ENPP2: variants seen among roughly 807,000 people sequenced by gnomAD.
The protein encoded by ENPP2 is ectonucleotide pyrophosphatase/phosphodiesterase 2.
ENPP2 carries 51 observed loss-of-function variants against 120.2 expected under a neutral mutation model. The observed-to-expected ratio is 0.42, with a 90% CI of 0.34 to 0.54. ENPP2 has a LOEUF of 0.54. Among genes scored for constraint, ENPP2 ranks in the 20% least tolerant of loss-of-function variants. The pLI is 0.04. For synonymous variants in ENPP2, 365 were observed against 366.4 expected, an observed-to-expected ratio of 1.00 and a Z score of 0.04; for missense variants, 920 against 1,066.5, an observed-to-expected ratio of 0.86 and a Z score of 1.91.
intron 1 of ENPP2, among the ~76,000 whole-genome samples, chr8:119,646,783 C>T (rs551484817): frequency 6.6e-6 from 1 of 152,072 alleles, no homozygotes; most frequent in Non-Finnish European, 1.5e-5. Flanking sequence ...TTTTCTGTTC[C>T]TTGATTAAGT....
intron 3 of ENPP2, among the ~76,000 whole-genome samples, chr8:119,623,303 A>C (rs1274582780): frequency 6.6e-6 from 1 of 151,946 alleles, no homozygotes; most frequent in Admixed American, 6.6e-5. Context: ...GTCTCTACTA[A>C]AGATACAAAA....
At chr8:119,673,289 C>A (rs766914262) in exon 1 of ENPP2, 2 of 1,535,256 alleles carry the variant, frequency 1.3e-6, no homozygotes, top group South Asian at 2.4e-5. Flanking sequence ...GGAGTCTCGG[C>A]GTCTGTTCCT....
chr8:119,632,195 T>A (rs1816729474), intron 2 of ENPP2, among the ~76,000 whole-genome samples: 1 of 152,230 alleles, frequency 6.6e-6, no homozygotes, highest in African/African-American at 2.4e-5. Context: ...ACTTCAGATG[T>A]GTAACTTATT....
chr8:119,601,601 C>T (rs952241349), intron 9 of ENPP2, 139 bp from the exon 10 acceptor site: 14 of 639,746 alleles, frequency 2.2e-5, no homozygotes, highest in African/African-American at 1.8e-5. Context: ...TAGTAAAAGG[C>T]CCTCTTTCGA....
intron 1 of ENPP2, among the ~76,000 whole-genome samples, chr8:119,655,502 T>A (rs74709100): frequency 0.014 from 2,170 of 152,322 alleles, 54 homozygotes; most frequent in African/African-American, 0.05. Flanking sequence ...TGGACTTGAC[T>A]GAGTTAGGAA....
chr8:119,590,604 T>C lies in ENPP2; in HGVS notation c.1108A>G (p.Thr370Ala). The C allele has an allele frequency of 6.3e-7, 1 of 1,581,028 alleles. No homozygotes were observed. The highest frequency in any genetic ancestry group is 8.6e-7 in the Non-Finnish European group (1 of 1,163,002). Residue 370 changes from threonine to alanine, a missense_variant, in exon 13 of 25, where the codon ACT becomes GCT. Thr to Ala is a moderately conservative substitution (Grantham distance 58). Transcript: ENST00000075322. ...GTTAGGTAATTACTCAAGAACTCAG[T>C]TCTATCACATGTGACATCTTCCATT... ...HGMEDVTCDR[T>A]EFLSNYLTNV...
At chr8:119,669,487 A>T (rs1276964535) in intron 1 of ENPP2, among the ~76,000 whole-genome samples, 1 of 152,136 alleles carries the variant, frequency 6.6e-6, no homozygotes, top group African/African-American at 2.4e-5. Flanking sequence ...AGGTCCTGTG[A>T]CTCCAAGTTC....
chr8:119,615,590 A>C (rs1050085660), intron 8 of ENPP2, among the ~76,000 whole-genome samples: 2 of 152,174 alleles, frequency 1.3e-5, no homozygotes, highest in African/African-American at 4.8e-5. Flanking sequence ...TTAATTTGCT[A>C]TTTCAGTATC....
rs1217498689 is a variant in ENPP2 at position 119,644,625 on chromosome 8, T to TAC, written c.22-6100_22-6099dup. On this transcript the variant is annotated intron_variant, in intron 1 of 25. Coordinates refer to the ENPP2 transcript ENST00000427067. ...ATATATATATATATATATATATATA[T>TAC]ACACACACACACACACACACACATA... 1.6e-3 allele frequency among the ~76,000 whole-genome samples: 117 copies of TAC among 74,288 alleles called. 2 individuals are homozygous for TAC. The highest frequency in any genetic ancestry group is 4.6e-3 in the African/African-American group (94 of 20,228). 48.7% of individuals were successfully genotyped at this position (74,288 alleles called of 152,430 possible).
At chr8:119,617,956 A>T (rs531358825) in intron 5 of ENPP2, among the ~76,000 whole-genome samples, 34 of 152,314 alleles carry the variant, frequency 2.2e-4, no homozygotes, top group Admixed American at 5.9e-4. Flanking sequence ...TCTCAAAAAA[A>T]ATATAATAAA....
intron 1 of ENPP2, among the ~76,000 whole-genome samples, chr8:119,649,758 T>C (rs1027256944): frequency 2.6e-5 from 4 of 152,358 alleles, no homozygotes; most frequent in Non-Finnish European, 5.9e-5. Flanking sequence ...TGGATTAGAA[T>C]AGACATTTCT....
chr8:119,590,452 C>T, intron 13 of ENPP2, 53 bp downstream of exon 13: 1 of 1,412,812 alleles, frequency 7.1e-7, no homozygotes, highest in Non-Finnish European at 9.5e-7. Flanking sequence ...AAGCCCTTAC[C>T]TATTCCTTTG....
In ENPP2 at chr8:119,617,173, A is replaced by T. The variant is rs1815515538; in HGVS notation, c.648T>A (p.Thr216=). Residue 216 remains threonine, a synonymous_variant, in exon 7 of 25, where the codon ACT becomes ACA. Coordinates refer to ENST00000075322, the MANE Select transcript of ENPP2 (RefSeq NM_001040092.3). Reference sequence around the variant, plus strand: ...TCGAAAAAATACTTACAGTGGCCAAAGTGTATAAGTTAGGAAAGGTTTTAG... The same window carrying T: ...TCGAAAAAATACTTACAGTGGCCAATGTGTATAAGTTAGGAAAGGTTTTAG... ...YPTKTFPNLY[T]LATGLYPESH... 2 of 1,609,162 alleles carry T rather than the reference A, an allele frequency of 1.2e-6. No individual in the cohort carries two copies.
chr8:119,595,585 G>A (rs1185757783), intron 11 of ENPP2, among the ~76,000 whole-genome samples: 22 of 152,120 alleles, frequency 1.4e-4, no homozygotes, highest in Admixed American at 1.4e-3. Flanking sequence ...AGTCACTCCA[G>A]CCTAAATGTT....
chr8:119,660,993 A>G (rs913225445), intron 1 of ENPP2, among the ~76,000 whole-genome samples: 4 of 152,248 alleles, frequency 2.6e-5, no homozygotes, highest in African/African-American at 9.6e-5. Context: ...GATCCAAAAT[A>G]TACAATAGCA....
intron 2 of ENPP2, among the ~76,000 whole-genome samples, chr8:119,633,033 C>T (rs998697544): frequency 6.6e-6 from 1 of 152,142 alleles, no homozygotes; most frequent in Admixed American, 6.6e-5. Context: ...CCAGCCTGGG[C>T]AACAAGAGCG....
intron 8 of ENPP2, among the ~76,000 whole-genome samples, chr8:119,613,031 C>G (rs774353223): frequency 6.6e-6 from 1 of 152,192 alleles, no homozygotes; most frequent in Non-Finnish European, 1.5e-5. Context: ...TTAGTCAACT[C>G]CTAGGAATCC....
chr8:119,632,431 A>C (rs1305292400), intron 2 of ENPP2, among the ~76,000 whole-genome samples: 2 of 152,234 alleles, frequency 1.3e-5, no homozygotes, highest in African/African-American at 4.8e-5. Context: ...CGCCTTTTAA[A>C]ATACATATTC....
intron 11 of ENPP2, 122 bp from the exon 12 acceptor site, chr8:119,593,982 G>T (rs949053834): frequency 7.3e-6 from 5 of 688,418 alleles, no homozygotes; most frequent in African/African-American, 1.8e-5. Flanking sequence ...GCAGAGCTTT[G>T]TCTGGGGAGA....
Sources: allele counts gnomAD v4.1 joint callset (sites outside exome capture counted in the v4.1 genomes callset), GRCh38; gene constraint gnomAD v4.1.1; transcripts MANE v1.5; gene names NCBI Gene and HGNC (gene_info 2026-07-23, HGNC 2026-07-21).